Variants in VAV2 observed in about 807,000 individuals in gnomAD.
VAV2 encodes the protein guanine nucleotide exchange factor VAV2.
Under a neutral mutation model 132.5 loss-of-function variants are expected in VAV2, and 67 were observed. The observed-to-expected ratio is 0.51, with a 90% CI of 0.42 to 0.62. The LOEUF (loss-of-function observed/expected upper bound fraction) is 0.62. VAV2 is among the 20% of genes least tolerant of loss of function. The pLI is 0.00. For missense variants in VAV2, 938 were observed against 1,153.6 expected (o/e 0.81, Z 2.71); for synonymous variants, 492 against 443.5 (o/e 1.11, Z -1.37).
At chr9:133,790,992 G>A (rs1834434661) in intron 13 of VAV2, among the ~76,000 whole-genome samples, 1 of 152,182 alleles carries the variant, frequency 6.6e-6, no homozygotes, top group South Asian at 2.1e-4. Flanking sequence ...GGGGGTGGGG[G>A]TGCTACTGGT....
intron 6 of VAV2, 55 bp downstream of exon 6, chr9:133,810,136 G>A (rs935762877): frequency 1.2e-6 from 2 of 1,611,008 alleles, no homozygotes; most frequent in Non-Finnish European, 1.7e-6. Context: ...TCCCTGAAAG[G>A]TCAAGAAGAC....
intron 12 of VAV2, 59 bp downstream of exon 12, chr9:133,795,609 C>T: frequency 6.3e-7 from 1 of 1,595,550 alleles, no homozygotes. Flanking sequence ...CAATTCCAGT[C>T]CAAGAACACG....
rs778778483 is a variant in VAV2 at position 133,992,035 on chromosome 9, C to A, written c.204+40G>T. 3 of 1,456,934 alleles carry A rather than the reference C, an allele frequency of 2.1e-6. No individual in the cohort carries two copies. The highest frequency in any genetic ancestry group is 3.0e-5 in the African/African-American group (2 of 67,592). The allele number at this position is 1,456,934 out of a possible 1,614,324, so 90.3% of individuals were successfully genotyped here. On this transcript the variant is annotated intron_variant, in intron 1 of 29. Transcript: ENST00000371850. This position sits in a 1 kb window ranked among gnomAD's most constrained non-coding sequence, Gnocchi z 5.5. ...CAGTCCGCGCGTCGGGCAGCGCGAACGCCGCCTCCCCGGGGCCCTCCCGCC... is the reference window on the plus strand; with the variant it reads ...CAGTCCGCGCGTCGGGCAGCGCGAAAGCCGCCTCCCCGGGGCCCTCCCGCC...
chr9:133,916,268 A>G (rs56052111), intron 2 of VAV2, among the ~76,000 whole-genome samples: 11,636 of 152,268 alleles, frequency 0.076, 780 homozygotes, highest in African/African-American at 0.18. Context: ...GCTTGGTCCC[A>G]CTCGATAAGA....
chr9:133,875,506 G>A (rs761526881), intron 2 of VAV2, among the ~76,000 whole-genome samples: 58 of 152,304 alleles, frequency 3.8e-4, no homozygotes, highest in Non-Finnish European at 3.7e-4. Flanking sequence ...TGAGCAGCTC[G>A]AAGTGAGGGC....
At chr9:133,893,692 C>T (rs1421064551) in intron 2 of VAV2, among the ~76,000 whole-genome samples, 1 of 152,200 alleles carries the variant, frequency 6.6e-6, no homozygotes, top group Admixed American at 6.5e-5. Context: ...CTTCCTCCGT[C>T]GCCACACGGC....
At chr9:133,851,920 G>T (rs144221243) in intron 3 of VAV2, among the ~76,000 whole-genome samples, 1 of 150,444 alleles carries the variant, frequency 6.6e-6, no homozygotes, top group Admixed American at 6.6e-5. Flanking sequence ...TGGATGGATG[G>T]ATGGATGGAT....
At chr9:133,841,591 C>T (rs10993819) in intron 3 of VAV2, among the ~76,000 whole-genome samples, 1 of 152,184 alleles carries the variant, frequency 6.6e-6, no homozygotes, top group South Asian at 2.1e-4. Context: ...AGCTCCCAGG[C>T]TCCGTCCCCA....
At chr9:133,787,744 CG>C (rs1203082968) in intron 15 of VAV2, among the ~76,000 whole-genome samples, 1 of 152,056 alleles carries the variant, frequency 6.6e-6, no homozygotes, top group Non-Finnish European at 1.5e-5. Context: ...ACAGCAGCTT[CG>C]GCCCCGTCCC....
Position 133,770,572 on chromosome 9 carries a change from CCT to C in VAV2, c.2224-73_2224-72del, listed in dbSNP as rs1833587765. 2.5e-6 allele frequency: 4 copies of C among 1,584,888 alleles called. No individual in the cohort carries two copies. In the Admixed American group the frequency reaches 5.1e-5, roughly 20 times the overall value. On this transcript the variant is annotated intron_variant, in intron 26 of 29. Coordinates refer to ENST00000371850, the MANE Select transcript of VAV2 (RefSeq NM_001134398.2). ...AGTCCTCCCCCAGTGACCTGGCCTC[CCT>C]CTCCCACCTCTTGGTTCATGTGGGG...
Position 133,791,824 on chromosome 9 carries a change from A to G in VAV2, c.1147T>C (p.Leu383=), listed in dbSNP as rs376278542. The part of the protein sequence containing the change: ...INEVKRDKET[L]RKISEFQSSI... ...CTCTGAAATTCGCTGATTTTCCTCA[A>G]GGTCTCCTTGTCCCGTTTAACTTCA... is the stretch of plus-strand genomic sequence containing the variant. Residue 383 remains leucine, a synonymous_variant, in exon 13 of 30, where the codon TTG becomes CTG. Transcript: ENST00000371850. 1.9e-6 allele frequency: 3 copies of G among 1,613,762 alleles called. No homozygotes were observed. Among genetic ancestry groups the G allele is most frequent in the African/African-American group, 2.7e-5 (2 of 74,830 alleles).
At chr9:133,882,167 G>T (rs1016090305) in intron 2 of VAV2, among the ~76,000 whole-genome samples, 4 of 152,236 alleles carry the variant, frequency 2.6e-5, no homozygotes, top group African/African-American at 4.8e-5. Context: ...CAGAGCTCTC[G>T]GAGATTCCAG....
At chr9:133,887,716 G>C (rs1432491488) in intron 2 of VAV2, among the ~76,000 whole-genome samples, 1 of 152,088 alleles carries the variant, frequency 6.6e-6, no homozygotes, top group East Asian at 1.9e-4. Context: ...CCAGGACACA[G>C]ACCAGAGGGA....
rs541512777 is a variant in VAV2, at chr9:133,788,621, C to T, written c.1275-135G>A. 4.5e-5 allele frequency: 57 copies of T among 1,274,048 alleles called. No homozygotes were observed. In the African/African-American group the frequency reaches 7.0e-4, roughly 16 times the overall value. 78.9% of individuals were successfully genotyped at this position (1,274,048 alleles called of 1,614,324 possible). A position where few individuals can be genotyped will look rare whatever the true frequency, so the allele number is the denominator to read the frequency against. On this transcript the variant is annotated intron_variant, in intron 14 of 29. Transcript: ENST00000371850. This position sits in a 1 kb window ranked among gnomAD's most constrained non-coding sequence, Gnocchi z 5.3. ...CGAGCCCTGCCCTCACCTGGCTCAC[C>T]AGGCTAATGCTGAGCCTCGGTCAGG...
chr9:133,876,272 G>A (rs920465239), intron 2 of VAV2, among the ~76,000 whole-genome samples: 5 of 152,384 alleles, frequency 3.3e-5, no homozygotes, highest in African/African-American at 2.4e-5. Flanking sequence ...TATTGGAAAG[G>A]AGCATGCATC....
chr9:133,944,135 G>A (rs1841276385), intron 1 of VAV2, among the ~76,000 whole-genome samples: 1 of 152,164 alleles, frequency 6.6e-6, no homozygotes. Context: ...TAGGGTCTCT[G>A]AAACAATCTA....
intron 1 of VAV2, among the ~76,000 whole-genome samples, chr9:133,990,956 A>G (rs1842996047): frequency 6.6e-6 from 1 of 152,138 alleles, no homozygotes; most frequent in Non-Finnish European, 1.5e-5. Context: ...CGGCAGAGAA[A>G]GGCCCGGTCT....
At chr9:133,872,941 C>T (rs1209497511) in intron 2 of VAV2, among the ~76,000 whole-genome samples, 1 of 152,000 alleles carries the variant, frequency 6.6e-6, no homozygotes, top group African/African-American at 2.4e-5. Context: ...GGTGAAACCC[C>T]ATCTCTACTA....
intron 3 of VAV2, among the ~76,000 whole-genome samples, chr9:133,847,672 C>T (rs1353862351): frequency 6.6e-6 from 1 of 152,224 alleles, no homozygotes; most frequent in Non-Finnish European, 1.5e-5. Flanking sequence ...CCACGCTGCC[C>T]AACGGGTTGG....
Sources: gnomAD v4.1 joint callset for allele counts (sites outside exome capture counted in the v4.1 genomes callset) on GRCh38, gnomAD v4.1.1 for gene constraint, Gnocchi (gnomAD v3.1) non-coding constraint, MANE v1.5 for transcripts, NCBI Gene and HGNC (gene_info 2026-07-23, HGNC 2026-07-21) for gene names.